The following LRRC7 variants were observed in gnomAD, a reference collection of about 807,000 sequenced individuals.
LRRC7 encodes the protein leucine-rich repeat-containing protein 7.
LRRC7 carries 23 observed loss-of-function variants against 175.7 expected under a neutral mutation model. The observed-to-expected ratio is 0.13, with a 90% CI of 0.09 to 0.19. The LOEUF is 0.19. Ranked by LOEUF, LRRC7 falls within the 10% of genes least tolerant of loss-of-function variation. LRRC7 has a pLI of 1.00. For synonymous variants in LRRC7, 685 were observed against 680.9 expected (o/e 1.01, Z -0.09); for missense variants, 1,354 against 1,904.7 (o/e 0.71, Z 5.38).
chr1:69,874,442 C>G (rs1685859911), intron 7 of LRRC7: 1 of 152,072 alleles, frequency 6.6e-6, no homozygotes, highest in African/African-American at 2.4e-5. Flanking sequence ...ATTCTTCATC[C>G]CATGTTAACT....
In LRRC7 at chr1:70,036,425, T is replaced by C. The variant is rs748114439; in HGVS notation, c.2108-19T>C. ...TGTCAGTGTCATAGCATTATAACAT[T>C]TTCCCCTTTAAATTTCAGAATCAAC... is the stretch of plus-strand genomic sequence containing the variant. On this transcript the variant is annotated intron_variant, in intron 19 of 26. Coordinates refer to ENST00000651989, the MANE Select transcript of LRRC7 (RefSeq NM_001370785.2). 1 of 1,599,620 alleles carries C rather than the reference T, an allele frequency of 6.3e-7. No individual in the cohort carries two copies. Among genetic ancestry groups the C allele is most frequent in the Non-Finnish European group, 8.5e-7 (1 of 1,173,842 alleles).
chr1:70,043,143 A>C (rs755246429), intron 21 of LRRC7, among the ~76,000 whole-genome samples: 8 of 152,174 alleles, frequency 5.3e-5, no homozygotes, highest in Middle Eastern at 3.2e-3. Flanking sequence ...TTTCAAATAA[A>C]GTTTTATAGG....
At chr1:69,682,069 G>T (rs1425916735) in intron 2 of LRRC7, among the ~76,000 whole-genome samples, 1 of 152,030 alleles carries the variant, frequency 6.6e-6, no homozygotes, top group Non-Finnish European at 1.5e-5. Flanking sequence ...GTTTCCTTGT[G>T]GTGGTATGAC....
chr1:70,011,867 C>T lies in LRRC7; in HGVS notation c.1075C>T (p.Leu359Phe), dbSNP rs1656541583. Residue 359 changes from leucine (L) to phenylalanine (F), a missense_variant, in exon 12 of 27, where the codon CTT becomes TTT. Leu to Phe is a conservative substitution (Grantham distance 22). Around this residue, in one of 4 missense-constraint regions of LRRC7, gnomAD observed 201 missense variants for 481.4 expected, o/e 0.42. Transcript: ENST00000651989. The part of the protein sequence containing the change: ...LESLPSTIGY[L>F]HSLRTLAVDE... ...GTCACTACCTTCTACTATTGGCTAC[C>T]TTCATAGTCTTCGGACATTAGCAGT... 1 of 1,597,658 alleles carries T rather than the reference C, an allele frequency of 6.3e-7. No individual in the cohort carries two copies. The highest frequency in any genetic ancestry group is 8.6e-7 in the Non-Finnish European group (1 of 1,165,754).
chr1:69,577,556 A>G (rs1019173928), intron 1 of LRRC7, among the ~76,000 whole-genome samples: 1 of 152,136 alleles, frequency 6.6e-6, no homozygotes, highest in African/African-American at 2.4e-5. Context: ...TAATTTTTGT[A>G]TAAGGTGTAA....
intron 25 of LRRC7, among the ~76,000 whole-genome samples, chr1:70,100,397 C>T (rs1664725622): frequency 6.6e-6 from 1 of 151,998 alleles, no homozygotes; most frequent in Non-Finnish European, 1.5e-5. Flanking sequence ...AAGAATGATG[C>T]AAGTCCAAAG....
intron 7 of LRRC7, among the ~76,000 whole-genome samples, chr1:69,847,103 C>A (rs1682453942): frequency 6.6e-6 from 1 of 151,878 alleles, no homozygotes; most frequent in Admixed American, 6.6e-5. Flanking sequence ...CTTCTTTAGG[C>A]AAATATTGAA....
chr1:69,671,468 G>A (rs993709715), intron 1 of LRRC7, among the ~76,000 whole-genome samples: 36 of 152,278 alleles, frequency 2.4e-4, no homozygotes, highest in African/African-American at 8.4e-4. Context: ...TGGGGTTAGA[G>A]GAGAAGTGGC....
intron 7 of LRRC7, among the ~76,000 whole-genome samples, chr1:69,838,709 T>A (rs1337091147): frequency 1.3e-5 from 2 of 151,936 alleles, no homozygotes; most frequent in African/African-American, 4.8e-5. Flanking sequence ...GGAAAAAAGA[T>A]TAAAATTTTT....
chr1:69,640,295 A>G (rs1347911763), intron 1 of LRRC7, among the ~76,000 whole-genome samples: 1 of 151,790 alleles, frequency 6.6e-6, no homozygotes, highest in South Asian at 2.1e-4. Context: ...CTATTTACAT[A>G]TAACACACAA....
intron 1 of LRRC7, among the ~76,000 whole-genome samples, chr1:69,639,957 T>C (rs1021569066): frequency 6.6e-6 from 1 of 151,778 alleles, no homozygotes; most frequent in East Asian, 1.9e-4. Flanking sequence ...TAACTGTCTG[T>C]GACTCTAGAT....
chr1:70,082,102 G>C (rs1301975743), intron 24 of LRRC7, among the ~76,000 whole-genome samples: 1 of 152,188 alleles, frequency 6.6e-6, no homozygotes, highest in Non-Finnish European at 1.5e-5. Flanking sequence ...TAGATTAGAT[G>C]CTCTGGTCAA....
rs954324562 is a variant in LRRC7, at chr1:70,132,942, C to G, written c.*11055C>G. Among the ~76,000 whole-genome samples, 2 of 152,150 alleles carry G rather than the reference C, an allele frequency of 1.3e-5. No homozygotes were observed. Among genetic ancestry groups the G allele is most frequent in the South Asian group, 4.2e-4 (2 of 4,814 alleles). ...TCATGCTATTCTTAAATTCCTGGAGCGAAGGGGTGAACATTTCCCTCTGTA... is the reference window on the plus strand; with the variant it reads ...TCATGCTATTCTTAAATTCCTGGAGGGAAGGGGTGAACATTTCCCTCTGTA... On this transcript the variant is annotated 3_prime_UTR_variant, in exon 27 of 27. Transcript: ENST00000651989.
chr1:69,928,040 C>T (rs1330001185), intron 7 of LRRC7, among the ~76,000 whole-genome samples: 2 of 152,162 alleles, frequency 1.3e-5, no homozygotes, highest in Non-Finnish European at 2.9e-5. Flanking sequence ...CCCTCAGCTG[C>T]AGGTCTGTTG....
chr1:69,791,917 G>C (rs1049779194), intron 3 of LRRC7, 126 bp from the exon 4 acceptor site: 6 of 608,120 alleles, frequency 9.9e-6, no homozygotes, highest in South Asian at 2.1e-5. Flanking sequence ...ATGGAGGGAA[G>C]TGAGGCTTTT....
chr1:69,973,418 C>G (rs929353022), intron 8 of LRRC7, among the ~76,000 whole-genome samples: 2 of 151,564 alleles, frequency 1.3e-5, no homozygotes, highest in Non-Finnish European at 2.9e-5. Flanking sequence ...CTACCTGTTC[C>G]CCAATAACCT....
At chr1:69,850,444 C>G (rs1039407798) in intron 7 of LRRC7, among the ~76,000 whole-genome samples, 4 of 152,024 alleles carry the variant, frequency 2.6e-5, no homozygotes, top group African/African-American at 9.7e-5. Context: ...TTGATCTTAG[C>G]TTTACAATGA....
rs185065293 is a variant in LRRC7 at position 70,062,940 on chromosome 1, A to T, written c.4230+9795A>T. 2.5e-3 allele frequency among the ~76,000 whole-genome samples: 381 copies of T among 152,024 alleles called. 1 individual carries two copies. Among genetic ancestry groups the T allele is most frequent in the Non-Finnish European group, 3.8e-3 (260 of 67,840 alleles). ...AAAAAATCTCTAACCTAAAGCAAAA[A>T]TGACAGCTGAATAAAATATTGTTTA... On this transcript the variant is annotated intron_variant, in intron 23 of 26. Coordinates refer to ENST00000651989, the MANE Select transcript of LRRC7 (RefSeq NM_001370785.2).
At chr1:70,018,954 A>C in intron 15 of LRRC7, 136 bp downstream of exon 15, 3 of 579,414 alleles carry the variant, frequency 5.2e-6, no homozygotes, top group Non-Finnish European at 9.1e-6. Flanking sequence ...CACAAATATC[A>C]TTTGGGGATG....
Sources: gnomAD v4.1 joint callset for allele counts (sites outside exome capture counted in the v4.1 genomes callset) on GRCh38, gnomAD v4.1.1 for gene constraint, gnomAD v4.1.1 regional missense constraint, MANE v1.5 for transcripts, NCBI Gene and HGNC (gene_info 2026-07-23, HGNC 2026-07-21) for gene names.